The following STARD13 variants were observed in gnomAD, a reference collection of about 807,000 sequenced individuals.
STARD13 encodes the protein stAR-related lipid transfer protein 13.
Under a neutral mutation model 106.4 loss-of-function variants are expected in STARD13, and 62 were observed. That is an observed-to-expected ratio of 0.58 (90% CI 0.48 to 0.72). STARD13 has a LOEUF of 0.72. Ranked by LOEUF, STARD13 falls within the 30% of genes least tolerant of loss-of-function variation. The probability of loss-of-function intolerance (pLI) is 0.00; values close to 1 mark genes in which losing one functional copy is unlikely to be tolerated. For synonymous variants in STARD13, 565 were observed against 553.0 expected (o/e 1.02, Z -0.31); for missense variants, 1,387 against 1,424.0 (o/e 0.97, Z 0.42).
the STARD13 span, chr13:33,383,599 AG>A: frequency 6.6e-6 from 1 of 150,924 alleles, no homozygotes; most frequent in Non-Finnish European, 1.5e-5. Flanking sequence ...CAAAAAAAAA[AG>A]AAAAAAATTG....
intron 1 of STARD13, among the ~76,000 whole-genome samples, chr13:33,303,965 C>G (rs1004788545): frequency 4.6e-5 from 7 of 152,174 alleles, no homozygotes; most frequent in Admixed American, 4.6e-4. Flanking sequence ...CTTGGAAATG[C>G]AGAATCTCAG....
the STARD13 span, among the ~76,000 whole-genome samples, chr13:33,536,284 T>C: frequency 2.6e-5 from 4 of 152,214 alleles, no homozygotes; most frequent in Non-Finnish European, 5.9e-5. Flanking sequence ...ATTTATGAAA[T>C]TTAGTGTAAC....
chr13:33,615,949 T>A, the STARD13 span, among the ~76,000 whole-genome samples: 2 of 152,234 alleles, frequency 1.3e-5, no homozygotes, highest in African/African-American at 4.8e-5. Context: ...ATGTTGCCAG[T>A]CCTTAAATGA....
the STARD13 span, among the ~76,000 whole-genome samples, chr13:33,457,050 G>A: frequency 6.6e-6 from 1 of 152,238 alleles, no homozygotes; most frequent in African/African-American, 2.4e-5. Flanking sequence ...GTGACAGAGT[G>A]TTTGTGACAA....
At chr13:33,474,465 T>C in the STARD13 span, among the ~76,000 whole-genome samples, 1 of 152,228 alleles carries the variant, frequency 6.6e-6, no homozygotes, top group Non-Finnish European at 1.5e-5. Context: ...TCTATGTGTA[T>C]ATATGTGTCT....
At chr13:33,424,356 T>C in the STARD13 span, among the ~76,000 whole-genome samples, 1 of 152,190 alleles carries the variant, frequency 6.6e-6, no homozygotes, top group Non-Finnish European at 1.5e-5. Flanking sequence ...TCAAAGACAG[T>C]GCTCTTCAGG....
At chr13:33,483,368 C>T in the STARD13 span, among the ~76,000 whole-genome samples, 10,555 of 152,084 alleles carry the variant, frequency 0.069, 953 homozygotes, top group African/African-American at 0.21. Flanking sequence ...GAAGAAAATT[C>T]TAATTTGAAA....
the STARD13 span, among the ~76,000 whole-genome samples, chr13:33,505,763 A>C: frequency 6.6e-6 from 1 of 152,146 alleles, no homozygotes; most frequent in Non-Finnish European, 1.5e-5. Flanking sequence ...CCAAAATAGC[A>C]CCTCATGCTC....
In STARD13 at chr13:33,186,079, G is replaced by A. The variant is rs1468831209; in HGVS notation, c.170-18457C>T. 22 of 1,598,180 alleles carry A rather than the reference G, an allele frequency of 1.4e-5. No individual in the cohort carries two copies. The Admixed American group carries it at 1.7e-4, about 12-fold the overall frequency. On this transcript the variant is annotated intron_variant, in intron 1 of 13. Coordinates refer to ENST00000336934, the MANE Select transcript of STARD13 (RefSeq NM_178006.4). ...GATGATAGTCCTCTCTCATGTTTCCGGTTGCTAACAGTGGAGAGGAACCTC... is the reference window on the plus strand; with the variant it reads ...GATGATAGTCCTCTCTCATGTTTCCAGTTGCTAACAGTGGAGAGGAACCTC...
the STARD13 span, among the ~76,000 whole-genome samples, chr13:33,388,856 G>A: frequency 6.6e-6 from 1 of 152,048 alleles, no homozygotes; most frequent in South Asian, 2.1e-4. Context: ...TGTTGCTGCC[G>A]GTGCCTTGTG....
At chr13:33,495,572 C>T in the STARD13 span, among the ~76,000 whole-genome samples, 3 of 151,830 alleles carry the variant, frequency 2.0e-5, no homozygotes, top group Non-Finnish European at 2.9e-5. Flanking sequence ...CTCAGATTTC[C>T]AATCTTCTAA....
chr13:33,137,970 C>T (rs1321083352), intron 4 of STARD13, among the ~76,000 whole-genome samples: 1 of 152,212 alleles, frequency 6.6e-6, no homozygotes, highest in African/African-American at 2.4e-5. Flanking sequence ...GCTGCAGTGC[C>T]TCTGAAATGC....
In STARD13 at chr13:33,221,364, T is replaced by C. The variant is rs149449288; in HGVS notation, c.170-53742A>G. ...GATTGGCTTATTTCACTTAGTATAA[T>C]GTCCTCAAGCTTCACCCATGTTGTA... is the stretch of plus-strand genomic sequence containing the variant. On this transcript the variant is annotated intron_variant, in intron 1 of 13. Transcript: ENST00000336934. Among the ~76,000 whole-genome samples the C allele has an allele frequency of 2.5e-4, 38 of 152,358 alleles. 2 individuals are homozygous for C. In the East Asian group the frequency reaches 6.6e-3, roughly 26 times the overall value.
intron 1 of STARD13, among the ~76,000 whole-genome samples, chr13:33,213,958 C>T (rs945682858): frequency 3.3e-5 from 5 of 152,174 alleles, no homozygotes; most frequent in South Asian, 2.1e-4. Flanking sequence ...CCCCAGGTCA[C>T]GTGGCAAGGC....
At chr13:33,593,472 C>T in the STARD13 span, among the ~76,000 whole-genome samples, 5 of 152,220 alleles carry the variant, frequency 3.3e-5, no homozygotes, top group South Asian at 2.1e-4. Context: ...CATGAGCCAC[C>T]GTGCCCTGCC....
At chr13:33,477,476 A>G in the STARD13 span, among the ~76,000 whole-genome samples, 2 of 152,254 alleles carry the variant, frequency 1.3e-5, no homozygotes, top group Non-Finnish European at 2.9e-5. Context: ...CTTGCCAAGG[A>G]ACTGAGGAAT....
chr13:33,662,613 A>G, the STARD13 span, among the ~76,000 whole-genome samples: 8 of 152,194 alleles, frequency 5.3e-5, no homozygotes, highest in Non-Finnish European at 2.9e-5. Context: ...TCACAAGCCA[A>G]TCCAGTTCTA....
At chr13:33,408,404 C>T in the STARD13 span, among the ~76,000 whole-genome samples, 5 of 151,944 alleles carry the variant, frequency 3.3e-5, no homozygotes, top group East Asian at 3.9e-4. Context: ...TGGAGTCATA[C>T]AGTATTCATC....
intron 1 of STARD13, among the ~76,000 whole-genome samples, chr13:33,228,161 T>G (rs1888718075): frequency 6.6e-6 from 1 of 152,112 alleles, no homozygotes; most frequent in African/African-American, 2.4e-5. Flanking sequence ...CACAGAAGCA[T>G]GAAGAGTACA....
Sources: allele counts gnomAD v4.1 joint callset (sites outside exome capture counted in the v4.1 genomes callset), GRCh38; gene constraint gnomAD v4.1.1; transcripts MANE v1.5; gene names NCBI Gene and HGNC (gene_info 2026-07-23, HGNC 2026-07-21).